Variants in TAB2 observed in about 807,000 individuals in gnomAD.
TAB2 encodes TGF-beta-activated kinase 1 and MAP3K7-binding protein 2.
A neutral mutation model predicts 65.0 loss-of-function variants in TAB2; 3 were observed. The ratio of observed to expected loss-of-function variants is 0.05; its 90% CI spans 0.02 to 0.12. The LOEUF (loss-of-function observed/expected upper bound fraction) is 0.12, where lower values mean the gene tolerates loss of function less well. TAB2 is among the 10% of genes least tolerant of loss of function. TAB2 has a pLI of 1.00. For synonymous variants in TAB2, 298 were observed against 285.1 expected, an observed-to-expected ratio of 1.05 and a Z score of -0.46; for missense variants, 623 against 840.3, an observed-to-expected ratio of 0.74 and a Z score of 3.20.
chr6:149,399,208 A>G (rs1782281128), intron 6 of TAB2, 24 bp downstream of exon 6: 1 of 1,605,288 alleles, frequency 6.2e-7, no homozygotes, highest in Non-Finnish European at 8.5e-7. Context: ...TTAAATGTGA[A>G]AACTGTTACT....
chr6:149,259,339 AC>A (rs1778104991), intron 1 of TAB2, among the ~76,000 whole-genome samples: 1 of 73,860 alleles, frequency 1.4e-5, no homozygotes, highest in East Asian at 4.1e-4. Context: ...CCCTCTACAC[AC>A]ACACACACAC....
chr6:149,352,638 A>G (rs764312357), intron 1 of TAB2, among the ~76,000 whole-genome samples: 91 of 152,328 alleles, frequency 6.0e-4, no homozygotes, highest in Middle Eastern at 3.4e-3. Flanking sequence ...GTTTTTGATT[A>G]GTCCCTTCCC....
intron 1 of TAB2, among the ~76,000 whole-genome samples, chr6:149,292,373 C>T (rs1383238453): frequency 1.3e-5 from 2 of 152,106 alleles, no homozygotes. Context: ...AGATAAAAAG[C>T]ACAGCTTTAG....
chr6:149,254,148 A>AG (rs780722383), intron 1 of TAB2, among the ~76,000 whole-genome samples: 145 of 151,684 alleles, frequency 9.6e-4, no homozygotes, highest in African/African-American at 1.2e-3. Context: ...AGGAAAGGAA[A>AG]GAAAAGGAAA....
At chr6:149,251,540 T>G (rs1277535483) in intron 1 of TAB2, among the ~76,000 whole-genome samples, 2 of 152,248 alleles carry the variant, frequency 1.3e-5, no homozygotes, top group Non-Finnish European at 2.9e-5. Context: ...ATTTCCTGCA[T>G]AATTCTGTGG....
At chr6:149,265,735 C>A (rs979628459) in intron 1 of TAB2, among the ~76,000 whole-genome samples, 2 of 152,196 alleles carry the variant, frequency 1.3e-5, no homozygotes, top group African/African-American at 4.8e-5. Flanking sequence ...ACGCCCCAAG[C>A]CCCACGCGCG....
At chr6:149,381,563 C>T (rs911178635) in intron 3 of TAB2, among the ~76,000 whole-genome samples, 183 of 145,530 alleles carry the variant, frequency 1.3e-3, no homozygotes, top group Non-Finnish European at 2.0e-3. Context: ...CAATTCCCCT[C>T]CTATTCTTTT....
intron 1 of TAB2, among the ~76,000 whole-genome samples, 187 bp downstream of exon 1, chr6:149,318,202 G>C (rs1342889967): frequency 7.9e-5 from 12 of 151,836 alleles, no homozygotes; most frequent in African/African-American, 2.9e-4. Context: ...CGGAGAGGGA[G>C]GCCCCCCGAG....
intron 1 of TAB2, among the ~76,000 whole-genome samples, chr6:149,254,112 AGGACAGG>A (rs1777952032): frequency 7.5e-6 from 1 of 132,832 alleles, no homozygotes; most frequent in Non-Finnish European, 1.7e-5. Context: ...GAAGGAAGGA[AGGACAGG>A]GAAGGGAAGG....
chr6:149,348,131 A>C (rs190620349), intron 1 of TAB2, among the ~76,000 whole-genome samples: 1 of 152,240 alleles, frequency 6.6e-6, no homozygotes, highest in Non-Finnish European at 1.5e-5. Flanking sequence ...AGTGGCTCAC[A>C]CCTGTTATCC....
chr6:149,403,271 T>TATATATACAC (rs1782521510), intron 6 of TAB2, among the ~76,000 whole-genome samples: 2 of 95,390 alleles, frequency 2.1e-5, no homozygotes, highest in African/African-American at 1.0e-4. Context: ...TATATATATA[T>TATATATACAC]ATATATATAT....
chr6:149,260,615 A>T (rs1471062818), intron 1 of TAB2, among the ~76,000 whole-genome samples: 1 of 152,252 alleles, frequency 6.6e-6, no homozygotes, highest in African/African-American at 2.4e-5. Context: ...AAGCCACTAA[A>T]GAGCACGGTG....
chr6:149,292,273 C>A (rs1461499366), intron 1 of TAB2, among the ~76,000 whole-genome samples: 1 of 152,136 alleles, frequency 6.6e-6, no homozygotes, highest in African/African-American at 2.4e-5. Context: ...TATTTTACAA[C>A]AAAAACTGAC....
At chr6:149,299,024 A>G (rs508534) in intron 1 of TAB2, among the ~76,000 whole-genome samples, 2 of 152,000 alleles carry the variant, frequency 1.3e-5, no homozygotes, top group Non-Finnish European at 2.9e-5. Context: ...GCTTAAAGAA[A>G]CTTTTCATGC....
intron 1 of TAB2, among the ~76,000 whole-genome samples, chr6:149,283,941 T>G (rs1427558542): frequency 2.0e-5 from 3 of 152,206 alleles, no homozygotes. Context: ...TATGACAATT[T>G]TGTAAGTGTG....
intron 1 of TAB2, among the ~76,000 whole-genome samples, chr6:149,281,390 A>C (rs1197951850): frequency 6.6e-6 from 1 of 151,914 alleles, no homozygotes. Context: ...TATAACCAAT[A>C]ATCCAGCAAA....
intron 1 of TAB2, among the ~76,000 whole-genome samples, chr6:149,343,189 A>G (rs1780183617): frequency 1.3e-5 from 2 of 152,236 alleles, no homozygotes; most frequent in South Asian, 4.1e-4. Context: ...CAAGCAGTAT[A>G]GGGAATTCAG....
chr6:149,346,695 TC>T, intron 1 of TAB2: 1 of 152,094 alleles, frequency 6.6e-6, no homozygotes, highest in East Asian at 1.9e-4. Context: ...CTCAGGTGAT[TC>T]GCCCACCTCG....
chr6:149,311,163 T>C (rs1779160118), intron 1 of TAB2, among the ~76,000 whole-genome samples: 1 of 152,244 alleles, frequency 6.6e-6, no homozygotes, highest in Non-Finnish European at 1.5e-5. Flanking sequence ...TGCTTCGTCT[T>C]GTCTCCCACC....
Sources: gnomAD v4.1 joint callset for allele counts (sites outside exome capture counted in the v4.1 genomes callset) on GRCh38, gnomAD v4.1.1 for gene constraint, MANE v1.5 for transcripts, NCBI Gene and HGNC (gene_info 2026-07-23, HGNC 2026-07-21) for gene names.